ARAP1: variants seen among roughly 807,000 people sequenced by gnomAD.
The protein encoded by ARAP1 is arf-GAP with Rho-GAP domain, ANK repeat and PH domain-containing protein 1.
ARAP1 carries 76 observed loss-of-function variants against 172.2 expected under a neutral mutation model. That is an observed-to-expected ratio of 0.44 (90% CI 0.37 to 0.53). The LOEUF is 0.53. Among genes scored for constraint, ARAP1 ranks in the 20% least tolerant of loss-of-function variants. The pLI is 0.00. For missense variants in ARAP1, 1,686 were observed against 1,977.5 expected (o/e 0.85, Z 2.80); for synonymous variants, 804 against 803.3 (o/e 1.00, Z -0.01).
chr11:72,710,415 C>T lies in ARAP1; in HGVS notation c.1386G>A (p.Gly462=). The change falls in exon 10 of 35, where the codon GGG becomes GGA. Residue 462 remains glycine, a synonymous_variant. Coordinates refer to ENST00000393609, the MANE Select transcript of ARAP1 (RefSeq NM_001040118.3). The surrounding 1 kb of genome is among the most constrained non-coding windows in gnomAD (Gnocchi z 4.3). ...FKNKLYVAVV[G]DKVQLYKNLE... is the part of the protein sequence containing the mutation. ...GATTCTTGTAGAGCTGCACTTTGTC[C>T]CCGACCACGGCCACGTACAGCTTAT... The T allele has an allele frequency of 6.2e-7, 1 of 1,614,006 alleles. No individual in the cohort carries two copies. Among genetic ancestry groups the T allele is most frequent in the Non-Finnish European group, 8.5e-7 (1 of 1,179,964 alleles).
At chr11:72,720,029 T>C (rs1857444249) in intron 3 of ARAP1, among the ~76,000 whole-genome samples, 1 of 152,138 alleles carries the variant, frequency 6.6e-6, no homozygotes, top group Non-Finnish European at 1.5e-5. Context: ...CATATCAATG[T>C]GTGCTTCACT....
intron 1 of ARAP1, among the ~76,000 whole-genome samples, chr11:72,748,639 C>T (rs1363236802): frequency 6.6e-6 from 1 of 152,190 alleles, no homozygotes; most frequent in Non-Finnish European, 1.5e-5. Context: ...CAGGCTCTTC[C>T]CCTCTGTACT....
In ARAP1 at chr11:72,710,703, T is replaced by A; in HGVS notation, c.1214-116A>T. On this transcript the variant is annotated intron_variant, in intron 9 of 34. Coordinates refer to ENST00000393609, the MANE Select transcript of ARAP1 (RefSeq NM_001040118.3). The surrounding 1 kb of genome is among the most constrained non-coding windows in gnomAD (Gnocchi z 4.3). ...CAGAAAGCCCACTCAGATGCCCCCA[T>A]CATTTTGCTTGACTTCTCTGACTTG... The A allele has an allele frequency of 8.6e-7, 1 of 1,167,094 alleles. No individual in the cohort carries two copies. The highest frequency in any genetic ancestry group is 1.2e-6 in the Non-Finnish European group (1 of 850,400). The allele number at this position is 1,167,094 out of a possible 1,614,324, so 72.3% of individuals were successfully genotyped here. A position where few individuals can be genotyped will look rare whatever the true frequency, so the allele number is the denominator to read the frequency against.
Position 72,712,121 on chromosome 11 carries a change from A to G in ARAP1, c.1022+75T>C, listed in dbSNP as rs1857040441. The G allele has an allele frequency of 4.1e-6, 6 of 1,473,670 alleles. No individual in the cohort carries two copies. The South Asian group carries it at 6.9e-5, about 17-fold the overall frequency. The allele number at this position is 1,473,670 out of a possible 1,614,324, so 91.3% of individuals were successfully genotyped here. On this transcript the variant is annotated intron_variant, in intron 7 of 34. Coordinates refer to ENST00000393609, the MANE Select transcript of ARAP1 (RefSeq NM_001040118.3). ...GGTTTTCAGATCAGTGAGTGATACC[A>G]GTGTCCTGGGGTCCTGGACACTGCC...
intron 33 of ARAP1, among the ~76,000 whole-genome samples, chr11:72,686,756 T>C (rs1855705824): frequency 6.6e-6 from 1 of 152,142 alleles, no homozygotes; most frequent in Non-Finnish European, 1.5e-5. Flanking sequence ...CCTGCTCACC[T>C]CTGGGTTCTA....
chr11:72,709,099 G>C (rs906684761), intron 11 of ARAP1, among the ~76,000 whole-genome samples: 3 of 150,840 alleles, frequency 2.0e-5, no homozygotes, highest in African/African-American at 7.3e-5. Flanking sequence ...TGGTTGGAGA[G>C]ACAGGCCTCT....
At position 72,714,237 on chromosome 11, in the gene ARAP1, GA is replaced by G; in HGVS notation, c.593del (p.Leu198ProfsTer48). ...QPQSEEPLST[L>X]PQGPPQPPSP... is the part of the protein sequence containing the mutation. ...AGGGAGGCTGGGGAGGCCCCTGGGGGAGGGTGGACAGGGGCTCCTCAGACTG... is the reference window on the plus strand; with the variant it reads ...AGGGAGGCTGGGGAGGCCCCTGGGGGGGGTGGACAGGGGCTCCTCAGACTG... On this transcript the variant is annotated frameshift_variant, in exon 4 of 35. Coordinates refer to ENST00000393609, the MANE Select transcript of ARAP1 (RefSeq NM_001040118.3). LOFTEE classifies it high-confidence loss of function. 1 of 1,528,640 alleles carries G rather than the reference GA, an allele frequency of 6.5e-7. No homozygotes were observed. Among genetic ancestry groups the G allele is most frequent in the African/African-American group, 1.4e-5 (1 of 71,152 alleles). 94.7% of individuals were successfully genotyped at this position (1,528,640 alleles called of 1,614,324 possible).
chr11:72,697,204 G>A lies in ARAP1; in HGVS notation c.2954-9C>T, dbSNP rs1856241072. On this transcript the variant is annotated splice_polypyrimidine_tract_variant and intron_variant, in intron 21 of 34. Transcript: ENST00000393609. ...GCCCTCGGAGGTCAGGCCTAGGGAG[G>A]GGCGGGGCCAAGCGTTCGGGGCCTG... 6.3e-7 allele frequency: 1 copy of A among 1,595,034 alleles called. No homozygotes were observed. The highest frequency in any genetic ancestry group is 1.7e-5 in the Admixed American group (1 of 59,772).
intron 16 of ARAP1, among the ~76,000 whole-genome samples, 172 bp downstream of exon 16, chr11:72,701,477 C>A (rs1293193639): frequency 6.6e-6 from 1 of 152,178 alleles, no homozygotes; most frequent in Non-Finnish European, 1.5e-5. Flanking sequence ...GCACTACCCC[C>A]ACTCCCACCA....
At chr11:72,722,036 C>G in intron 3 of ARAP1, 4 of 985,660 alleles carry the variant, frequency 4.1e-6, no homozygotes, top group Non-Finnish European at 4.8e-6. Context: ...GGTTTTTGAG[C>G]CCAGGTATGG....
At chr11:72,747,931 G>A (rs1858418728) in intron 1 of ARAP1, among the ~76,000 whole-genome samples, 1 of 152,150 alleles carries the variant, frequency 6.6e-6, no homozygotes, top group South Asian at 2.1e-4. Context: ...GCATTCCCAG[G>A]GTAGGACTGG....
At position 72,713,664 on chromosome 11, in the gene ARAP1, G is replaced by A. The variant is rs186595099; in HGVS notation, c.680-421C>T. ...AGATCGAGACCATCCTGGCTAACACGGTGAAACCCCGTCTCTACTAAAAAT... is the reference window on the plus strand; with the variant it reads ...AGATCGAGACCATCCTGGCTAACACAGTGAAACCCCGTCTCTACTAAAAAT... On this transcript the variant is annotated intron_variant, in intron 4 of 34. Coordinates refer to ENST00000393609, the MANE Select transcript of ARAP1 (RefSeq NM_001040118.3). Among the ~76,000 whole-genome samples, 515 of 152,062 alleles carry A rather than the reference G, an allele frequency of 3.4e-3. 4 individuals are homozygous for A. The highest frequency in any genetic ancestry group is 0.012 in the African/African-American group (490 of 41,498).
rs963712147 is a variant in ARAP1, at chr11:72,692,742, C to T, written c.3987+11G>A. On this transcript the variant is annotated intron_variant, in intron 30 of 34. Transcript: ENST00000393609. ...TGTAAGGCAGCTGGCAGTCAGCCCA[C>T]AGCTACTCACGGTCTCAGGGGCCCC... is the stretch of plus-strand genomic sequence containing the variant. 1.9e-6 allele frequency: 3 copies of T among 1,613,832 alleles called. No homozygotes were observed. The highest frequency in any genetic ancestry group is 1.3e-5 in the African/African-American group (1 of 75,054).
chr11:72,745,173 A>C (rs10898870), intron 1 of ARAP1, among the ~76,000 whole-genome samples: 39,272 of 147,044 alleles, frequency 0.27, 5,687 homozygotes, highest in African/African-American at 0.34. Flanking sequence ...CAGCAGCCCA[A>C]GTTTCTTTCT....
In ARAP1 at chr11:72,697,042, C is replaced by T. The variant is rs761349791; in HGVS notation, c.3107G>A (p.Arg1036His). ...DVSSALKRFL[R>H]DLPDGLFTRA... ...AGTGAAGAGCCCATCAGGCAGGTCG[C>T]GCAGGAAGCGCTTGAGCGCCGAGGA... is the stretch of plus-strand genomic sequence containing the variant. Residue 1036 changes from arginine to histidine, a missense_variant, in exon 22 of 35, where the codon CGC (arginine) becomes CAC (histidine). This residue lies in a region of ARAP1 where 274 missense variants were observed against 262.7 expected (regional missense o/e 1.04). Transcript: ENST00000393609. 2 of 1,610,080 alleles carry T rather than the reference C, an allele frequency of 1.2e-6. No homozygotes were observed. The highest frequency in any genetic ancestry group is 1.7e-6 in the Non-Finnish European group (2 of 1,179,940).
intron 11 of ARAP1, among the ~76,000 whole-genome samples, 199 bp from the exon 12 acceptor site, chr11:72,707,573 G>A (rs776080916): frequency 1.1e-4 from 17 of 152,210 alleles, no homozygotes; most frequent in Admixed American, 6.5e-4. Flanking sequence ...GGGGGCAGGG[G>A]AGCCCAGTGG....
chr11:72,703,035 C>T lies in ARAP1; in HGVS notation c.2037G>A (p.Gln679=), dbSNP rs1242075093. The change falls in exon 15 of 35, where the codon CAG becomes CAA. Residue 679 remains glutamine (Q), a synonymous_variant. Transcript: ENST00000393609. ...TCCCAGCCCCACAGCCCAGGAGCGC[C>T]TGGGTCTCAGCCAGGTCTGTGGTGG... is the stretch of plus-strand genomic sequence containing the variant. ...AVTTTDLAET[Q]ALLGCGAGIN... is the part of the protein sequence containing the mutation. 4.4e-6 allele frequency: 7 copies of T among 1,598,446 alleles called. No individual in the cohort carries two copies. The South Asian group carries it at 6.8e-5, about 15-fold the overall frequency.
chr11:72,699,880 T>G lies in ARAP1; in HGVS notation c.2303-328A>C, dbSNP rs561365878. On this transcript the variant is annotated intron_variant, in intron 16 of 34. Coordinates refer to ENST00000393609, the MANE Select transcript of ARAP1 (RefSeq NM_001040118.3). The surrounding 1 kb of genome is among the most constrained non-coding windows in gnomAD (Gnocchi z 4.2). ...GCCTGCCATTCAAGGCCCTGCCAGG[T>G]CTACCCCTGCCCGTCTCTCCAGCTG... 5.4e-6 allele frequency: 2 copies of G among 369,474 alleles called. No individual in the cohort carries two copies. The highest frequency in any genetic ancestry group is 4.3e-5 in the Admixed American group (1 of 23,176). 22.9% of individuals were successfully genotyped at this position (369,474 alleles called of 1,614,324 possible). A position where few individuals can be genotyped will look rare whatever the true frequency, so the allele number is the denominator to read the frequency against.
At position 72,704,290 on chromosome 11, in the gene ARAP1, T is replaced by G. The variant is rs756521145; in HGVS notation, c.1854A>C (p.Ala618=). The G allele has an allele frequency of 1.7e-5, 27 of 1,610,054 alleles. No homozygotes were observed. Among genetic ancestry groups the G allele is most frequent in the Non-Finnish European group, 2.2e-5 (26 of 1,178,122 alleles). ...GGGCCTCACTGGGGGGCACGTTGGC[T>G]GCCCAGAAGCGGTTCCCAGCGCCAT... ...LGNGAGNRFW[A]ANVPPSEALQ... The change falls in exon 14 of 35, where the codon GCA becomes GCC. Residue 618 remains alanine, a synonymous_variant. Coordinates refer to ENST00000393609, the MANE Select transcript of ARAP1 (RefSeq NM_001040118.3).
Sources: allele counts gnomAD v4.1 joint callset (sites outside exome capture counted in the v4.1 genomes callset), GRCh38; gene constraint gnomAD v4.1.1; regional missense constraint gnomAD v4.1.1; non-coding constraint Gnocchi (gnomAD v3.1); transcripts MANE v1.5; gene names NCBI Gene and HGNC (gene_info 2026-07-23, HGNC 2026-07-21).